MTUS2: variants seen among roughly 807,000 people sequenced by gnomAD.
The protein encoded by MTUS2 is microtubule-associated tumor suppressor candidate 2.
A neutral mutation model predicts 114.1 loss-of-function variants in MTUS2; 40 were observed. The observed-to-expected ratio is 0.35, with a 90% CI of 0.27 to 0.46. The LOEUF is 0.46. Among genes scored for constraint, MTUS2 ranks in the 20% least tolerant of loss-of-function variants. MTUS2 has a pLI of 1.00. For synonymous variants in MTUS2, 688 were observed against 672.0 expected, an observed-to-expected ratio of 1.02 and a Z score of -0.37; for missense variants, 1,679 against 1,705.4, an observed-to-expected ratio of 0.98 and a Z score of 0.27.
rs369300967 is a variant in MTUS2, at chr13:29,306,016, A to G, written c.2807-18597A>G. ...TCAATAAATGTGATTCATCACATCAATGGAACTAAAGACAAAACCCTCATG... is the reference window on the plus strand; with the variant it reads ...TCAATAAATGTGATTCATCACATCAGTGGAACTAAAGACAAAACCCTCATG... On this transcript the variant is annotated intron_variant, in intron 6 of 15. Transcript: ENST00000612955. Among the ~76,000 whole-genome samples the G allele has an allele frequency of 2.6e-4, 39 of 152,348 alleles. No homozygotes were observed. In the East Asian group the frequency reaches 4.8e-3, roughly 19 times the overall value.
At chr13:29,041,891 C>T (rs1227647565) in intron 4 of MTUS2, among the ~76,000 whole-genome samples, 1 of 152,070 alleles carries the variant, frequency 6.6e-6, no homozygotes, top group Non-Finnish European at 1.5e-5. Context: ...TTTCTAGGTA[C>T]ACCATTATAT....
At chr13:29,210,658 G>A (rs1566068208) in intron 5 of MTUS2, among the ~76,000 whole-genome samples, 1 of 152,144 alleles carries the variant, frequency 6.6e-6, no homozygotes, top group African/African-American at 2.4e-5. Context: ...TAGGGATGGG[G>A]CTTCCTGAGA....
At chr13:28,873,520 T>C (rs1322646036) in intron 2 of MTUS2, among the ~76,000 whole-genome samples, 1 of 152,244 alleles carries the variant, frequency 6.6e-6, no homozygotes, top group African/African-American at 2.4e-5. Flanking sequence ...TGACAACATA[T>C]AAAATTAGTT....
intron 2 of MTUS2, among the ~76,000 whole-genome samples, chr13:28,916,103 G>A (rs927005176): frequency 1.3e-5 from 2 of 151,626 alleles, no homozygotes; most frequent in Admixed American, 1.3e-4. Context: ...AAATGAGTTC[G>A]CTGTAGGTGT....
chr13:29,009,098 G>A (rs1885725814), intron 2 of MTUS2, among the ~76,000 whole-genome samples: 1 of 151,218 alleles, frequency 6.6e-6, no homozygotes, highest in Non-Finnish European at 1.5e-5. Flanking sequence ...CATTTTAATT[G>A]TCATATTTTT....
intron 1 of MTUS2, among the ~76,000 whole-genome samples, chr13:28,826,242 ATAAG>A (rs1193740019): frequency 6.6e-6 from 1 of 152,230 alleles, no homozygotes; most frequent in Non-Finnish European, 1.5e-5. Flanking sequence ...CATCTGCTAA[ATAAG>A]TAAATAAATC....
At chr13:29,482,143 G>C (rs1881232888) in intron 10 of MTUS2, 1 of 152,206 alleles carries the variant, frequency 6.6e-6, no homozygotes, top group African/African-American at 2.4e-5. Flanking sequence ...GGTCTGAGTT[G>C]GTTGAGACGA....
At chr13:29,055,791 A>G (rs1209608150) in intron 4 of MTUS2, among the ~76,000 whole-genome samples, 2 of 151,838 alleles carry the variant, frequency 1.3e-5, no homozygotes, top group Non-Finnish European at 2.9e-5. Flanking sequence ...TTTCATTTTC[A>G]TTTATTTAAT....
chr13:29,217,346 A>T (rs1895722129), intron 5 of MTUS2, among the ~76,000 whole-genome samples: 1 of 152,220 alleles, frequency 6.6e-6, no homozygotes, highest in African/African-American at 2.4e-5. Context: ...TTACATAGGC[A>T]TACCTTGGAG....
At chr13:29,273,373 G>A (rs957105336) in intron 5 of MTUS2, among the ~76,000 whole-genome samples, 16 of 152,176 alleles carry the variant, frequency 1.1e-4, no homozygotes, top group African/African-American at 1.7e-4. Flanking sequence ...GGACAGATTG[G>A]TTGGAATCCA....
chr13:29,477,194 T>C (rs1011488454), intron 9 of MTUS2, among the ~76,000 whole-genome samples: 1 of 152,216 alleles, frequency 6.6e-6, no homozygotes, highest in African/African-American at 2.4e-5. Flanking sequence ...AAATTCTTGC[T>C]TCTCTACTTG....
chr13:29,182,445 C>T (rs879554416), intron 5 of MTUS2, among the ~76,000 whole-genome samples: 1 of 152,242 alleles, frequency 6.6e-6, no homozygotes, highest in Admixed American at 6.5e-5. Context: ...TTGCATTACT[C>T]ATCTGTAAGT....
intron 2 of MTUS2, among the ~76,000 whole-genome samples, chr13:28,985,594 G>A (rs1167318382): frequency 6.8e-6 from 1 of 147,708 alleles, no homozygotes; most frequent in Admixed American, 6.7e-5. Flanking sequence ...TTTATCTTTG[G>A]TTTTTCTCTG....
chr13:29,011,122 AT>A (rs1322901841), intron 2 of MTUS2, among the ~76,000 whole-genome samples: 1 of 152,252 alleles, frequency 6.6e-6, no homozygotes, highest in Admixed American at 6.5e-5. Flanking sequence ...AATAAGAAGC[AT>A]GAGACCTATG....
intron 8 of MTUS2, among the ~76,000 whole-genome samples, chr13:29,378,122 G>A (rs577339885): frequency 6.6e-6 from 1 of 152,180 alleles, no homozygotes; most frequent in Non-Finnish European, 1.5e-5. Context: ...AGATGGGGGA[G>A]TGTGTGCAAA....
chr13:29,307,504 G>T, intron 6 of MTUS2: 1 of 1,255,268 alleles, frequency 8.0e-7, no homozygotes, highest in African/African-American at 1.5e-5. Flanking sequence ...CTTGTCAGTT[G>T]TGGATCTGAC....
At chr13:29,454,769 A>C (rs1213551925) in intron 9 of MTUS2, among the ~76,000 whole-genome samples, 1 of 152,228 alleles carries the variant, frequency 6.6e-6, no homozygotes, top group Admixed American at 6.5e-5. Flanking sequence ...CTGAGGAGCT[A>C]TCTGCATAAC....
chr13:29,076,252 GC>G (rs1889187853), intron 4 of MTUS2, among the ~76,000 whole-genome samples: 1 of 152,114 alleles, frequency 6.6e-6, no homozygotes, highest in African/African-American at 2.4e-5. Context: ...TCCACTCATT[GC>G]CTGGCTTCAA....
intron 9 of MTUS2, among the ~76,000 whole-genome samples, chr13:29,465,571 T>C (rs1429227643): frequency 6.6e-6 from 1 of 152,168 alleles, no homozygotes; most frequent in African/African-American, 2.4e-5. Flanking sequence ...AGGATTTCCA[T>C]GTCCAGCCCT....
Sources: gnomAD v4.1 joint callset for allele counts (sites outside exome capture counted in the v4.1 genomes callset) on GRCh38, gnomAD v4.1.1 for gene constraint, MANE v1.5 for transcripts, NCBI Gene and HGNC (gene_info 2026-07-23, HGNC 2026-07-21) for gene names.